The following TNPO2 variants were observed in gnomAD, a reference collection of about 807,000 sequenced individuals.
TNPO2 encodes the protein transportin 2.
A neutral mutation model predicts 111.1 loss-of-function variants in TNPO2; 16 were observed. That is an observed-to-expected ratio of 0.14 (90% CI 0.10 to 0.22). The LOEUF is 0.22. TNPO2 is among the 10% of genes least tolerant of loss of function. TNPO2 has a pLI of 1.00. For missense variants in TNPO2, 530 were observed against 1,173.7 expected (o/e 0.45, Z 8.01); for synonymous variants, 481 against 475.8 (o/e 1.01, Z -0.14).
intron 13 of TNPO2, among the ~76,000 whole-genome samples, chr19:12,708,501 T>C (rs8111900): frequency 6.6e-6 from 1 of 151,862 alleles, no homozygotes; most frequent in African/African-American, 2.4e-5. Context: ...AATAGCACAT[T>C]GCCAATAATC....
At position 12,721,872 on chromosome 19, in the gene TNPO2, C is replaced by G. The variant is rs1966984912; in HGVS notation, c.-13-882G>C. ...AGTCAAGTTCGGCCGAGCCCCCCAC[C>G]ACCTCGTGTCAGTAACCCCCTGGTC... On this transcript the variant is annotated intron_variant, in intron 2 of 25. Transcript: ENST00000425528. The surrounding 1 kb of genome is among the most constrained non-coding windows in gnomAD (Gnocchi z 4.9). Among the ~76,000 whole-genome samples, 1 of 151,632 alleles carries G rather than the reference C, an allele frequency of 6.6e-6. No individual in the cohort carries two copies. The highest frequency in any genetic ancestry group is 2.1e-4 in the South Asian group (1 of 4,788).
At position 12,715,612 on chromosome 19, in the gene TNPO2, C is replaced by T. The variant is rs1225210468; in HGVS notation, c.432+21G>A. ...CCAGCCCCCCAGTACTCGCTCTGGC[C>T]ATCCATGGCTTCTTGCCTACCTCAC... On this transcript the variant is annotated intron_variant, in intron 6 of 25. Coordinates refer to ENST00000425528, the MANE Select transcript of TNPO2 (RefSeq NM_001382241.1). The surrounding 1 kb of genome is among the most constrained non-coding windows in gnomAD (Gnocchi z 7.1). 2.5e-6 allele frequency: 4 copies of T among 1,613,586 alleles called. No individual in the cohort carries two copies. The highest frequency in any genetic ancestry group is 1.7e-5 in the Admixed American group (1 of 59,952).
chr19:12,701,251 G>T lies in TNPO2; in HGVS notation c.*21-8C>A. On this transcript the variant is annotated splice_polypyrimidine_tract_variant and splice_region_variant and intron_variant, in intron 25 of 25. Transcript: ENST00000425528. The surrounding 1 kb of genome is among the most constrained non-coding windows in gnomAD (Gnocchi z 5.0). The stretch of plus-strand genomic sequence containing the variant: ...GACGACGCAGACAGAAACCTGCAGG[G>T]GGAGGAGGAAGGTCATGGCCTGGGA... 1.0e-6 allele frequency: 1 copy of T among 963,878 alleles called. No homozygotes were observed. 59.7% of individuals were successfully genotyped at this position (963,878 alleles called of 1,614,324 possible). A position where few individuals can be genotyped will look rare whatever the true frequency, so the allele number is the denominator to read the frequency against.
intron 10 of TNPO2, among the ~76,000 whole-genome samples, chr19:12,713,482 G>GATAAATAAATAA (rs112781674): frequency 2.1e-5 from 3 of 146,324 alleles, no homozygotes; most frequent in Non-Finnish European, 3.0e-5. Context: ...TCTAATGAAT[G>GATAAATAAATAA]ATAAATAAAT....
In TNPO2 at chr19:12,721,215, G is replaced by A. The variant is rs1347257078; in HGVS notation, c.-13-225C>T. ...GCGCGGGAGGGGGGATGTGGAAACGGGCCACAGGCGGCGGCGGCGGGGCCC... is the reference window on the plus strand; with the variant it reads ...GCGCGGGAGGGGGGATGTGGAAACGAGCCACAGGCGGCGGCGGCGGGGCCC... On this transcript the variant is annotated intron_variant, in intron 2 of 25. Coordinates refer to ENST00000425528, the MANE Select transcript of TNPO2 (RefSeq NM_001382241.1). This position sits in a 1 kb window ranked among gnomAD's most constrained non-coding sequence, Gnocchi z 4.9. 1.5e-6 allele frequency: 2 copies of A among 1,358,600 alleles called. No individual in the cohort carries two copies. The highest frequency in any genetic ancestry group is 1.6e-5 in the South Asian group (1 of 63,598). 84.2% of individuals were successfully genotyped at this position (1,358,600 alleles called of 1,614,324 possible).
Position 12,714,684 on chromosome 19 carries a change from T to C in TNPO2, c.890+137A>G, listed in dbSNP as rs151256699. On this transcript the variant is annotated intron_variant, in intron 10 of 25. Transcript: ENST00000425528. ...CTTCAAAAAGTGGCATTCTTACCACTTACACATAAATATATACTGAATGTA... is the reference window on the plus strand; with the variant it reads ...CTTCAAAAAGTGGCATTCTTACCACCTACACATAAATATATACTGAATGTA... 249 of 696,200 alleles carry C rather than the reference T, an allele frequency of 3.6e-4. 1 individual carries two copies. The African/African-American group carries it at 4.1e-3, about 12-fold the overall frequency. 43.1% of individuals were successfully genotyped at this position (696,200 alleles called of 1,614,324 possible).
Position 12,706,893 on chromosome 19 carries a change from C to A in TNPO2, c.1271-98G>T. 1 of 1,032,010 alleles carries A rather than the reference C, an allele frequency of 9.7e-7. No homozygotes were observed. The highest frequency in any genetic ancestry group is 2.1e-5 in the Admixed American group (1 of 47,174). 63.9% of individuals were successfully genotyped at this position (1,032,010 alleles called of 1,614,324 possible). A position where few individuals can be genotyped will look rare whatever the true frequency, so the allele number is the denominator to read the frequency against. ...CAGCCGCACACAACATATAGGGAAA[C>A]TGAGGCTTAGAGTTTAAATCACTGG... On this transcript the variant is annotated intron_variant, in intron 13 of 25. Coordinates refer to ENST00000425528, the MANE Select transcript of TNPO2 (RefSeq NM_001382241.1). The surrounding 1 kb of genome is among the most constrained non-coding windows in gnomAD (Gnocchi z 7.0).
rs115676505 is a variant in TNPO2 at position 12,704,962 on chromosome 19, G to A, written c.2022+278C>T. 8.4e-3 allele frequency among the ~76,000 whole-genome samples: 1,280 copies of A among 152,154 alleles called. 21 individuals are homozygous for A. The highest frequency in any genetic ancestry group is 0.029 in the African/African-American group (1,196 of 41,498). On this transcript the variant is annotated intron_variant, in intron 18 of 25. Transcript: ENST00000425528. ...CCTCCCAAAGTGCTGGATTATAGGC[G>A]TGAGCACCTGGCCTCACATTTTCTA... is the stretch of plus-strand genomic sequence containing the variant.
Position 12,714,830 on chromosome 19 carries a change from T to G in TNPO2, c.881A>C (p.His294Pro), listed in dbSNP as rs1391226396. 1 of 1,613,574 alleles carries G rather than the reference T, an allele frequency of 6.2e-7. No individual in the cohort carries two copies. The highest frequency in any genetic ancestry group is 2.2e-5 in the East Asian group (1 of 44,892). Residue 294 changes from histidine to proline, a missense_variant, in exon 10 of 26, where the codon CAT becomes CCT. His to Pro is a moderately conservative substitution (Grantham distance 77, BLOSUM62 -2). Around this residue, in one of 4 missense-constraint regions of TNPO2, gnomAD observed 156 missense variants for 405.8 expected, o/e 0.38. Transcript: ENST00000425528. ...CAGCAGCAGCACTCACTGGACCAGA[T>G]GGGAGGCCAGGACTTCCTTGCAGAT... is the stretch of plus-strand genomic sequence containing the variant. Reference protein sequence around the residue: ...QPICKEVLASHLVQLIPILVN... With the variant: ...QPICKEVLASPLVQLIPILVN...
Position 12,702,532 on chromosome 19 carries a change from A to G in TNPO2, c.2305+291T>C, listed in dbSNP as rs1199378542. 1 of 509,744 alleles carries G rather than the reference A, an allele frequency of 2.0e-6. No individual in the cohort carries two copies. The highest frequency in any genetic ancestry group is 3.5e-6 in the Non-Finnish European group (1 of 281,982). The allele number at this position is 509,744 out of a possible 1,614,324, so 31.6% of individuals were successfully genotyped here. On this transcript the variant is annotated intron_variant, in intron 21 of 25. Transcript: ENST00000425528. This position sits in a 1 kb window ranked among gnomAD's most constrained non-coding sequence, Gnocchi z 5.5. ...CAGGCACGTGCCATTACCCCCGGCT[A>G]ATTTTTGTATTTTTTAGTAGAGATG...
chr19:12,702,749 T>G lies in TNPO2; in HGVS notation c.2305+74A>C. 7.3e-7 allele frequency: 1 copy of G among 1,378,820 alleles called. No homozygotes were observed. Among genetic ancestry groups the G allele is most frequent in the South Asian group, 1.2e-5 (1 of 83,994 alleles). The allele number at this position is 1,378,820 out of a possible 1,614,324, so 85.4% of individuals were successfully genotyped here. On this transcript the variant is annotated intron_variant, in intron 21 of 25. Transcript: ENST00000425528. This position sits in a 1 kb window ranked among gnomAD's most constrained non-coding sequence, Gnocchi z 5.5. ...GGTTCCTTGACAAGGCTCTTTCTGATGCCCTTCCCAGCCCAGAACCCCACC... is the reference window on the plus strand; with the variant it reads ...GGTTCCTTGACAAGGCTCTTTCTGAGGCCCTTCCCAGCCCAGAACCCCACC...
rs2025264354 is a variant in TNPO2, at chr19:12,701,071, A to C, written c.*193T>G. 5.2e-6 allele frequency: 2 copies of C among 384,828 alleles called. No individual in the cohort carries two copies. The highest frequency in any genetic ancestry group is 9.4e-6 in the Non-Finnish European group (2 of 212,208). 23.8% of individuals were successfully genotyped at this position (384,828 alleles called of 1,614,324 possible). The stretch of plus-strand genomic sequence containing the variant: ...TTTGTAGGATGAGCATGGTGGCCCC[A>C]CCCACCTGCCAGGAGGGCAAGTGGA... On this transcript the variant is annotated 3_prime_UTR_variant, in exon 26 of 26. Transcript: ENST00000425528. The surrounding 1 kb of genome is among the most constrained non-coding windows in gnomAD (Gnocchi z 5.0).
rs907328425 is a variant in TNPO2 at position 12,705,866 on chromosome 19, G to A, written c.1669-98C>T. 6.5e-5 allele frequency: 58 copies of A among 892,604 alleles called. No individual in the cohort carries two copies. In the East Asian group the frequency reaches 1.3e-3, roughly 20 times the overall value. The allele number at this position is 892,604 out of a possible 1,614,324, so 55.3% of individuals were successfully genotyped here. On this transcript the variant is annotated intron_variant, in intron 15 of 25. Coordinates refer to ENST00000425528, the MANE Select transcript of TNPO2 (RefSeq NM_001382241.1). This position sits in a 1 kb window ranked among gnomAD's most constrained non-coding sequence, Gnocchi z 7.2. Reference sequence around the variant, plus strand: ...AGTGATGAGGCCTGAGCGCCTCACCGTGGCTCATGGGACCCTGAAAGGCCT... The same window carrying A: ...AGTGATGAGGCCTGAGCGCCTCACCATGGCTCATGGGACCCTGAAAGGCCT...
Position 12,708,829 on chromosome 19 carries a change from C to G in TNPO2, c.1270+1792G>C, listed in dbSNP as rs147060268. Reference sequence around the variant, plus strand: ...GAGGTTGCAGTGAGTCAAGATTGCGCCATTGCACTCCAGCCTGGACAGTAA... The same window carrying G: ...GAGGTTGCAGTGAGTCAAGATTGCGGCATTGCACTCCAGCCTGGACAGTAA... On this transcript the variant is annotated intron_variant, in intron 13 of 25. Transcript: ENST00000425528. Among the ~76,000 whole-genome samples, 1,105 of 151,956 alleles carry G rather than the reference C, an allele frequency of 7.3e-3. 15 individuals are homozygous for G. The highest frequency in any genetic ancestry group is 0.025 in the African/African-American group (1,052 of 41,412).
chr19:12,721,426 C>T lies in TNPO2; in HGVS notation c.-13-436G>A. The T allele has an allele frequency of 1.6e-6, 1 of 609,386 alleles. No homozygotes were observed. The highest frequency in any genetic ancestry group is 1.5e-5 in the South Asian group (1 of 67,174). 37.7% of individuals were successfully genotyped at this position (609,386 alleles called of 1,614,324 possible). ...CCCGGCCCCCGTGGTCTCTTCTATG[C>T]AGGCACAGTCCCTGAAGAGTCCCCT... On this transcript the variant is annotated intron_variant, in intron 2 of 25. Transcript: ENST00000425528. The surrounding 1 kb of genome is among the most constrained non-coding windows in gnomAD (Gnocchi z 4.9).
At chr19:12,716,161 G>A (rs1016877386) in intron 5 of TNPO2, among the ~76,000 whole-genome samples, 9 of 152,148 alleles carry the variant, frequency 5.9e-5, no homozygotes, top group African/African-American at 1.9e-4. Context: ...GTGAGCCACC[G>A]CTCCTGGCCT....
In TNPO2 at chr19:12,706,704, G is replaced by A. The variant is rs138063603; in HGVS notation, c.1362C>T (p.Ile454=). The A allele has an allele frequency of 3.1e-4, 502 of 1,613,882 alleles. 1 individual carries two copies. The African/African-American group carries it at 5.3e-3, about 17-fold the overall frequency. Residue 454 remains isoleucine, a synonymous_variant, in exon 14 of 26, where the codon ATC becomes ATT. Coordinates refer to ENST00000425528, the MANE Select transcript of TNPO2 (RefSeq NM_001382241.1). This position sits in a 1 kb window ranked among gnomAD's most constrained non-coding sequence, Gnocchi z 7.0. ...LSDKKALVRS[I]ACWTLSRYAH... ...CATAGCGGCTCAGCGTCCAGCAGGCGATGGAGCGGACCAAGGCCTTCTTAT... is the reference window on the plus strand; with the variant it reads ...CATAGCGGCTCAGCGTCCAGCAGGCAATGGAGCGGACCAAGGCCTTCTTAT...
At position 12,715,659 on chromosome 19, in the gene TNPO2, T is replaced by G; in HGVS notation, c.406A>C (p.Asn136His). Residue 136 changes from asparagine to histidine, a missense_variant, in exon 6 of 26, where the codon AAC becomes CAC. Coordinates refer to ENST00000425528, the MANE Select transcript of TNPO2 (RefSeq NM_001382241.1). This position sits in a 1 kb window ranked among gnomAD's most constrained non-coding sequence, Gnocchi z 7.1. Reference protein sequence around the residue: ...ELLPQLCNLLNSEDYNTCEGA... With the variant: ...ELLPQLCNLLHSEDYNTCEGA... ...TCACAAGTGTTGTAATCCTCCGAGT[T>G]AAGCAGGTTGCAGAGCTGGGGCAGC... is the stretch of plus-strand genomic sequence containing the variant. 2 of 1,613,754 alleles carry G rather than the reference T, an allele frequency of 1.2e-6. No homozygotes were observed. Among genetic ancestry groups the G allele is most frequent in the East Asian group, 4.5e-5 (2 of 44,868 alleles).
intron 1 of TNPO2, 191 bp downstream of exon 1, chr19:12,723,578 C>T (rs1319989645): frequency 6.6e-6 from 1 of 152,196 alleles, no homozygotes; most frequent in Non-Finnish European, 1.5e-5. Context: ...AAAAACGTGG[C>T]TTTACCCTCC....
Sources: allele counts gnomAD v4.1 joint callset (sites outside exome capture counted in the v4.1 genomes callset), GRCh38; gene constraint gnomAD v4.1.1; regional missense constraint gnomAD v4.1.1; non-coding constraint Gnocchi (gnomAD v3.1); transcripts MANE v1.5; gene names NCBI Gene and HGNC (gene_info 2026-07-23, HGNC 2026-07-21).